DOCK6: variants seen among roughly 807,000 people sequenced by gnomAD.
DOCK6 encodes the protein dedicator of cytokinesis 6.
DOCK6 carries 167 observed loss-of-function variants against 230.3 expected under a neutral mutation model. The ratio of observed to expected loss-of-function variants is 0.73; its 90% confidence interval spans 0.64 to 0.82. DOCK6 has a LOEUF of 0.82. Among genes scored for constraint, DOCK6 ranks in the 40% least tolerant of loss-of-function variants. The pLI is 0.00. For missense variants in DOCK6, 2,598 were observed against 2,825.8 expected (o/e 0.92, Z 1.83); for synonymous variants, 1,148 against 1,185.0 (o/e 0.97, Z 0.64).
At chr19:11,235,792 C>T in intron 20 of DOCK6, 33 bp from the exon 21 acceptor site, 1 of 1,554,524 alleles carries the variant, frequency 6.4e-7, no homozygotes, top group Non-Finnish European at 8.7e-7. Context: ...AGTTCCAGGG[C>T]CCAAGGCCTC....
intron 35 of DOCK6, among the ~76,000 whole-genome samples, chr19:11,212,734 T>G (rs894582116): frequency 6.6e-6 from 1 of 151,716 alleles, no homozygotes; most frequent in Admixed American, 6.6e-5. Flanking sequence ...AGCTAATTTT[T>G]GTATTTTTAG....
At chr19:11,204,442 C>T in intron 39 of DOCK6, 111 bp from the exon 40 acceptor site, 1 of 1,456,700 alleles carries the variant, frequency 6.9e-7, no homozygotes, top group Non-Finnish European at 9.1e-7. Context: ...CCTCCATCAC[C>T]TCCTCCAGGA....
At position 11,251,048 on chromosome 19, in the gene DOCK6, G is replaced by C; in HGVS notation, c.546C>G (p.Thr182=). 1 of 1,613,136 alleles carries C rather than the reference G, an allele frequency of 6.2e-7. No individual in the cohort carries two copies. The highest frequency in any genetic ancestry group is 8.5e-7 in the Non-Finnish European group (1 of 1,179,636). Residue 182 remains threonine, a synonymous_variant, in exon 6 of 48, where the codon ACC becomes ACG. Coordinates refer to ENST00000294618, the MANE Select transcript of DOCK6 (RefSeq NM_020812.4). ...TGCTAGAGGCACCACTGCTTCGAGGGGTGTCTTCCGGGGAGCCCGAGCCAC... is the reference window on the plus strand; with the variant it reads ...TGCTAGAGGCACCACTGCTTCGAGGCGTGTCTTCCGGGGAGCCCGAGCCAC... The part of the protein sequence containing the change: ...SRRGSGSPED[T]PRSSGASSIF...
chr19:11,244,386 T>C (rs1384157065), intron 9 of DOCK6, among the ~76,000 whole-genome samples: 2 of 147,708 alleles, frequency 1.4e-5, no homozygotes, highest in African/African-American at 5.0e-5. Flanking sequence ...CTCCTGAGTT[T>C]AAGCAATTCT....
intron 41 of DOCK6, 156 bp downstream of exon 41, chr19:11,203,925 G>A: frequency 3.1e-6 from 3 of 973,402 alleles, no homozygotes; most frequent in Non-Finnish European, 4.6e-6. Context: ...TTGGGGAAGG[G>A]AGGGAAATAA....
chr19:11,229,210 C>T (rs1043745667), intron 22 of DOCK6, 175 bp from the exon 23 acceptor site: 1 of 1,295,706 alleles, frequency 7.7e-7, no homozygotes, highest in Non-Finnish European at 1.0e-6. Context: ...TCGCCAGACC[C>T]CCCTGGACTC....
At chr19:11,253,016 C>T (rs930624596) in intron 2 of DOCK6, 58 bp from the exon 3 acceptor site, 15 of 1,524,478 alleles carry the variant, frequency 9.8e-6, no homozygotes, top group East Asian at 2.4e-5. Context: ...AGTGGGGGCA[C>T]GAGGCAGGGG....
chr19:11,239,943 C>T (rs781259374), intron 14 of DOCK6: 23 of 1,574,026 alleles, frequency 1.5e-5, no homozygotes, highest in African/African-American at 1.1e-4. Context: ...AGGTGGGCAC[C>T]GTAGCTGCGA....
intron 1 of DOCK6, 31 bp downstream of exon 1, chr19:11,262,366 G>A (rs747894593): frequency 1.6e-6 from 2 of 1,226,668 alleles, no homozygotes; most frequent in Admixed American, 4.1e-5. Flanking sequence ...CCACGTGGGG[G>A]AGGTGGGAGG....
At chr19:11,237,975 G>A (rs1336389893) in intron 16 of DOCK6, 70 bp downstream of exon 16, 1 of 1,535,084 alleles carries the variant, frequency 6.5e-7, no homozygotes, top group Non-Finnish European at 8.9e-7. Context: ...GCTGCCTTAT[G>A]TGTATATATA....
At position 11,213,325 on chromosome 19, in the gene DOCK6, G is replaced by C; in HGVS notation, c.4342C>G (p.Pro1448Ala). The C allele has an allele frequency of 1.9e-6, 3 of 1,610,694 alleles. No individual in the cohort carries two copies. In the South Asian group the frequency reaches 3.3e-5, roughly 18 times the overall value. Residue 1448 changes from proline (P) to alanine (A), a missense_variant, in exon 35 of 48, where the codon CCG (proline) becomes GCG (alanine). Pro to Ala is a conservative substitution (Grantham distance 27, BLOSUM62 -1). Transcript: ENST00000294618. ...GTGTCCTCCTCGAACAGCAGCTCCG[G>C]GAACTGCCCCCAAGGACCCAGACAG... ...ATQRALVSKF[P>A]ELLFEEDTEL...
chr19:11,257,152 AATTATT>A (rs35111959), intron 1 of DOCK6, among the ~76,000 whole-genome samples: 4 of 146,634 alleles, frequency 2.7e-5, no homozygotes, highest in Admixed American at 6.9e-5. Flanking sequence ...ATGCTTGGCT[AATTATT>A]ATTATTATTA....
In DOCK6 at chr19:11,228,968, T is replaced by C. The variant is rs750955091; in HGVS notation, c.2786A>G (p.Gln929Arg). 13 of 1,613,620 alleles carry C rather than the reference T, an allele frequency of 8.1e-6. 1 individual carries two copies. Among genetic ancestry groups the C allele is most frequent in the East Asian group, 2.2e-5 (1 of 44,842 alleles). Residue 929 changes from glutamine (Q) to arginine (R), a missense_variant, in exon 23 of 48, where the codon CAG becomes CGG. Physicochemically the swap from Gln to Arg is conservative, Grantham distance 43 (BLOSUM62 1). Coordinates refer to ENST00000294618, the MANE Select transcript of DOCK6 (RefSeq NM_020812.4). Reference protein sequence around the residue: ...SSSAVREAILQHAWFFFQLMV... With the variant: ...SSSAVREAILRHAWFFFQLMV... ...GAGCTGGAAGAAGAACCAGGCGTGC[T>C]GGAGGATGGCCTCGCGTACGGCACT...
In DOCK6 at chr19:11,221,447, C is replaced by A. The variant is rs1185989638; in HGVS notation, c.3550+404G>T. ...TTCCAACCACTGTTATACCACCCCC[C>A]TCAACAATGCCTATAAATGTTTGTT... is the stretch of plus-strand genomic sequence containing the variant. On this transcript the variant is annotated intron_variant, in intron 28 of 47. Transcript: ENST00000294618. 6 of 177,054 alleles carry A rather than the reference C, an allele frequency of 3.4e-5. No individual in the cohort carries two copies. The East Asian group carries it at 9.2e-4, about 27-fold the overall frequency. 11.0% of individuals were successfully genotyped at this position (177,054 alleles called of 1,614,324 possible). A position where few individuals can be genotyped will look rare whatever the true frequency, so the allele number is the denominator to read the frequency against.
At chr19:11,259,721 G>T (rs1474695097) in intron 1 of DOCK6, among the ~76,000 whole-genome samples, 1 of 150,406 alleles carries the variant, frequency 6.6e-6, no homozygotes, top group East Asian at 2.0e-4. Flanking sequence ...CCACGCTTTT[G>T]TAAATTTGTA....
At chr19:11,207,176 T>A (rs562299240) in intron 39 of DOCK6, among the ~76,000 whole-genome samples, 1 of 152,146 alleles carries the variant, frequency 6.6e-6, no homozygotes, top group East Asian at 1.9e-4. Flanking sequence ...TGAAGATGCA[T>A]GCGAATATCC....
intron 23 of DOCK6, among the ~76,000 whole-genome samples, chr19:11,228,448 G>A (rs2079705345): frequency 6.6e-6 from 1 of 152,046 alleles, no homozygotes; most frequent in African/African-American, 2.4e-5. Flanking sequence ...TTCAGGTACA[G>A]TCTCTCCAGG....
Position 11,208,744 on chromosome 19 carries a change from T to G in DOCK6, c.5030A>C (p.His1677Pro). ...PDEEGFCSGK[H>P]FTELGLVGLL... ...CCCTACCAGCCCCAGCTCAGTGAAG[T>G]GCTTCCCGGAGCAGAAGCCCTCCTC... Residue 1677 changes from histidine (H) to proline (P), a missense_variant, in exon 39 of 48, where the codon CAC (histidine) becomes CCC (proline). By Grantham distance (77) the His-to-Pro change is moderately conservative. Transcript: ENST00000294618. The G allele has an allele frequency of 6.2e-7, 1 of 1,613,696 alleles. No individual in the cohort carries two copies. The highest frequency in any genetic ancestry group is 8.5e-7 in the Non-Finnish European group (1 of 1,179,722).
intron 2 of DOCK6, 150 bp downstream of exon 2, chr19:11,253,489 C>G (rs1163659890): frequency 4.1e-6 from 2 of 487,860 alleles, no homozygotes; most frequent in Non-Finnish European, 7.0e-6. Flanking sequence ...AGGACAGGCA[C>G]TCCCTCCCCC....
Sources: allele counts gnomAD v4.1 joint callset (sites outside exome capture counted in the v4.1 genomes callset), GRCh38; gene constraint gnomAD v4.1.1; transcripts MANE v1.5; gene names NCBI Gene and HGNC (gene_info 2026-07-23, HGNC 2026-07-21).